The following SPTLC1 variants were observed in gnomAD, a reference collection of about 807,000 sequenced individuals.
The protein encoded by SPTLC1 is serine palmitoyltransferase long chain base subunit 1.
A neutral mutation model predicts 68.9 loss-of-function variants in SPTLC1; 55 were observed. The observed-to-expected ratio is 0.80, with a 90% CI of 0.64 to 1.00. The LOEUF (loss-of-function observed/expected upper bound fraction) is 1.00. Ranked by LOEUF, SPTLC1 falls within the 50% of genes least tolerant of loss-of-function variation. SPTLC1 has a pLI of 0.00. For missense variants in SPTLC1, 449 were observed against 573.1 expected (o/e 0.78, Z 2.21); for synonymous variants, 197 against 201.6 (o/e 0.98, Z 0.19).
At chr9:92,055,045 T>G in intron 8 of SPTLC1, 1 of 167,500 alleles carries the variant, frequency 6.0e-6, no homozygotes, top group Non-Finnish European at 1.2e-5. Context: ...GGTAACGCAG[T>G]GAGACCCCTA....
At chr9:92,068,920 G>A (rs547538122) in intron 5 of SPTLC1, among the ~76,000 whole-genome samples, 2 of 152,280 alleles carry the variant, frequency 1.3e-5, no homozygotes, top group South Asian at 2.1e-4. Context: ...TTATCAAGGA[G>A]GGAAAGGGAT....
chr9:92,072,301 C>T (rs1834522778), intron 5 of SPTLC1, among the ~76,000 whole-genome samples: 1 of 152,140 alleles, frequency 6.6e-6, no homozygotes, highest in Admixed American at 6.5e-5. Context: ...GGTCTCTCCT[C>T]ATCTCTCTCC....
intron 3 of SPTLC1, among the ~76,000 whole-genome samples, chr9:92,082,425 T>G (rs1834920271): frequency 7.8e-6 from 1 of 128,792 alleles, no homozygotes; most frequent in South Asian, 2.7e-4. Flanking sequence ...GAGTGTGATG[T>G]TCCCCTTCCT....
chr9:92,112,426 A>G (rs1836281284), intron 2 of SPTLC1, 29 bp downstream of exon 2: 1 of 1,455,390 alleles, frequency 6.9e-7, no homozygotes, highest in Non-Finnish European at 9.6e-7. Flanking sequence ...CACATACCCA[A>G]TAATTAAAAC....
intron 8 of SPTLC1, among the ~76,000 whole-genome samples, chr9:92,053,113 CCAAA>C (rs199935337): frequency 1.6e-4 from 24 of 147,690 alleles, no homozygotes; most frequent in South Asian, 6.5e-4. Context: ...ATACGCATGG[CCAAA>C]CAAACAAACA....
intron 6 of SPTLC1, among the ~76,000 whole-genome samples, chr9:92,066,254 G>A (rs1189445936): frequency 6.6e-6 from 1 of 152,176 alleles, no homozygotes; most frequent in Non-Finnish European, 1.5e-5. Context: ...TCTGTGTGTG[G>A]GAGGGAGGCT....
At chr9:92,071,446 A>AT in intron 5 of SPTLC1, among the ~76,000 whole-genome samples, 1 of 152,184 alleles carries the variant, frequency 6.6e-6, no homozygotes, top group East Asian at 1.9e-4. Flanking sequence ...GACATGCACA[A>AT]TTTTTCTTCT....
At chr9:92,078,752 G>A (rs1234070595) in intron 5 of SPTLC1, among the ~76,000 whole-genome samples, 4 of 152,166 alleles carry the variant, frequency 2.6e-5, no homozygotes, top group Non-Finnish European at 4.4e-5. Context: ...ACTAAACCTG[G>A]CCAATTTCTA....
chr9:92,102,442 A>G (rs565364247), intron 3 of SPTLC1, among the ~76,000 whole-genome samples: 7 of 152,366 alleles, frequency 4.6e-5, no homozygotes, highest in Middle Eastern at 3.4e-3. Flanking sequence ...ACATCAAAAT[A>G]GTCAAAAATA....
intron 8 of SPTLC1, chr9:92,051,329 A>G (rs1833697889): frequency 3.4e-6 from 3 of 888,166 alleles, no homozygotes; most frequent in Admixed American, 6.2e-5. Context: ...GAAAAATCAA[A>G]TATGTATTAC....
intron 3 of SPTLC1, among the ~76,000 whole-genome samples, chr9:92,088,912 C>A (rs979853758): frequency 6.6e-6 from 1 of 152,126 alleles, no homozygotes; most frequent in Non-Finnish European, 1.5e-5. Flanking sequence ...TAAAACCAAC[C>A]AGAAAGACAT....
intron 3 of SPTLC1, among the ~76,000 whole-genome samples, chr9:92,092,098 C>G (rs994357988): frequency 2.0e-5 from 3 of 152,294 alleles, no homozygotes; most frequent in Non-Finnish European, 2.9e-5. Flanking sequence ...ACATACCAGA[C>G]AGAAAACGGC....
chr9:92,102,441 T>C (rs1030545262), intron 3 of SPTLC1, among the ~76,000 whole-genome samples: 6 of 152,322 alleles, frequency 3.9e-5, no homozygotes, highest in South Asian at 4.1e-4. Flanking sequence ...AACATCAAAA[T>C]AGTCAAAAAT....
In SPTLC1 at chr9:92,112,439, A is replaced by G. The variant is rs567190948; in HGVS notation, c.165+16T>C. The G allele has an allele frequency of 1.3e-6, 2 of 1,517,144 alleles. No individual in the cohort carries two copies. The highest frequency in any genetic ancestry group is 2.2e-5 in the South Asian group (2 of 88,992). 94.0% of individuals were successfully genotyped at this position (1,517,144 alleles called of 1,614,324 possible). A position where few individuals can be genotyped will look rare whatever the true frequency, so the allele number is the denominator to read the frequency against. ...ATCACATACCCAATAATTAAAACAGAGATTTAATTTCGTACCTTGACTGTA... is the reference window on the plus strand; with the variant it reads ...ATCACATACCCAATAATTAAAACAGGGATTTAATTTCGTACCTTGACTGTA... On this transcript the variant is annotated intron_variant, in intron 2 of 14. Coordinates refer to ENST00000262554, the MANE Select transcript of SPTLC1 (RefSeq NM_006415.4).
chr9:92,101,230 C>T (rs1835737541), intron 3 of SPTLC1, among the ~76,000 whole-genome samples: 1 of 151,772 alleles, frequency 6.6e-6, no homozygotes, highest in Admixed American at 6.6e-5. Context: ...CAAGCCATAG[C>T]CTGAATGAGA....
Position 92,055,500 on chromosome 9 carries a change from A to G in SPTLC1, c.691-6T>C, listed in dbSNP as rs1330164061. Reference sequence around the variant, plus strand: ...ACACGAGCCTTGCGAGGATTCTTTAAAAGAGAAAAAGCAGACATCTTACAT... The same window carrying G: ...ACACGAGCCTTGCGAGGATTCTTTAGAAGAGAAAAAGCAGACATCTTACAT... On this transcript the variant is annotated splice_polypyrimidine_tract_variant and splice_region_variant and intron_variant, in intron 7 of 14. Transcript: ENST00000262554. 17 of 1,612,018 alleles carry G rather than the reference A, an allele frequency of 1.1e-5. No homozygotes were observed. The African/African-American group carries it at 1.8e-4, about 17-fold the overall frequency.
At chr9:92,072,059 G>A (rs10118847) in intron 5 of SPTLC1, among the ~76,000 whole-genome samples, 16,407 of 152,134 alleles carry the variant, frequency 0.11, 1,925 homozygotes, top group African/African-American at 0.3. Flanking sequence ...ACTTGCACGC[G>A]AGTGAATAAA....
intron 3 of SPTLC1, among the ~76,000 whole-genome samples, chr9:92,087,890 G>A (rs1414148418): frequency 2.0e-5 from 3 of 152,262 alleles, no homozygotes; most frequent in African/African-American, 4.8e-5. Context: ...GAGCTGTGGT[G>A]GGCTCCACCC....
intron 14 of SPTLC1, among the ~76,000 whole-genome samples, chr9:92,034,107 G>A (rs896938706): frequency 8.5e-5 from 13 of 152,272 alleles, no homozygotes; most frequent in Middle Eastern, 3.4e-3. Context: ...GGAAAGCCAC[G>A]ATGCCCACAG....
Sources: gnomAD v4.1 joint callset for allele counts (sites outside exome capture counted in the v4.1 genomes callset) on GRCh38, gnomAD v4.1.1 for gene constraint, MANE v1.5 for transcripts, NCBI Gene and HGNC (gene_info 2026-07-23, HGNC 2026-07-21) for gene names.